The following SYNPR variants were observed in gnomAD, a reference collection of about 807,000 sequenced individuals.
SYNPR encodes synaptoporin.
Under a neutral mutation model 32.9 loss-of-function variants are expected in SYNPR, and 23 were observed. The ratio of observed to expected loss-of-function variants is 0.70; its 90% CI spans 0.50 to 0.99. The LOEUF (loss-of-function observed/expected upper bound fraction) is 0.99. SYNPR is among the 50% of genes least tolerant of loss of function. The probability of loss-of-function intolerance (pLI) is 0.00; values close to 1 mark genes in which losing one functional copy is unlikely to be tolerated. For missense variants in SYNPR, 318 were observed against 349.3 expected, an observed-to-expected ratio of 0.91 and a Z score of 0.71; for synonymous variants, 146 against 135.9, an observed-to-expected ratio of 1.07 and a Z score of -0.52.
chr3:63,271,473 T>G (rs1480386942), intron 3 of SYNPR, among the ~76,000 whole-genome samples: 1 of 152,174 alleles, frequency 6.6e-6, no homozygotes, highest in African/African-American at 2.4e-5. Context: ...AAAACTATTT[T>G]GTCATATTAA....
intron 2 of SYNPR, among the ~76,000 whole-genome samples, chr3:63,434,232 T>C (rs919016800): frequency 2.6e-5 from 4 of 152,212 alleles, no homozygotes; most frequent in African/African-American, 9.6e-5. Flanking sequence ...ACTCAATTTG[T>C]TGAAAAGGAA....
In SYNPR at chr3:63,375,048, C is replaced by T. The variant is rs560902710; in HGVS notation, c.84+96306C>T. ...TACCATCTCACACCAGTTAGAATAG[C>T]GATCATTAAAAAGTCAGGAAAAACA... On this transcript the variant is annotated intron_variant, in intron 2 of 5. Coordinates refer to ENST00000478300, the MANE Select transcript of SYNPR (RefSeq NM_001130003.2). 9.2e-5 allele frequency among the ~76,000 whole-genome samples: 14 copies of T among 152,136 alleles called. No homozygotes were observed. In the East Asian group the frequency reaches 1.5e-3, roughly 17 times the overall value.
intron 2 of SYNPR, among the ~76,000 whole-genome samples, chr3:63,280,196 T>C (rs2086615226): frequency 6.6e-6 from 1 of 152,216 alleles, no homozygotes; most frequent in Non-Finnish European, 1.5e-5. Context: ...TTAGTTCGTG[T>C]ACACACCAAT....
intron 2 of SYNPR, among the ~76,000 whole-genome samples, chr3:63,345,659 G>C (rs936349840): frequency 4.6e-5 from 7 of 152,150 alleles, no homozygotes; most frequent in Non-Finnish European, 1.0e-4. Context: ...ACCCCAACCA[G>C]AGCCAAGCCA....
intron 2 of SYNPR, among the ~76,000 whole-genome samples, chr3:63,432,891 C>T (rs1300970513): frequency 1.3e-5 from 2 of 152,194 alleles, no homozygotes; most frequent in African/African-American, 4.8e-5. Flanking sequence ...CTGTCAAGTT[C>T]CCTGTGGGAA....
intron 2 of SYNPR, among the ~76,000 whole-genome samples, chr3:63,432,574 C>T (rs1227941469): frequency 1.3e-5 from 2 of 152,168 alleles, no homozygotes; most frequent in Non-Finnish European, 2.9e-5. Context: ...TCAACATTGT[C>T]ATTGCTCTTA....
At chr3:63,397,911 T>C (rs1385506534) in intron 2 of SYNPR, among the ~76,000 whole-genome samples, 3 of 152,130 alleles carry the variant, frequency 2.0e-5, no homozygotes, top group African/African-American at 7.2e-5. Context: ...TTGAGACAAG[T>C]ATAGAAATAG....
chr3:63,544,136 CG>C (rs1285148319), intron 3 of SYNPR, among the ~76,000 whole-genome samples: 2 of 151,844 alleles, frequency 1.3e-5, no homozygotes, highest in Non-Finnish European at 2.9e-5. Context: ...GGTTGCTGTG[CG>C]GAAAATGAAT....
intron 2 of SYNPR, among the ~76,000 whole-genome samples, chr3:63,453,469 C>G (rs1199206591): frequency 6.6e-6 from 1 of 151,848 alleles, no homozygotes; most frequent in African/African-American, 2.4e-5. Flanking sequence ...GCAATAAATG[C>G]CAAAAATAGG....
chr3:63,259,161 C>T (rs903105280), intron 2 of SYNPR, among the ~76,000 whole-genome samples: 1 of 152,140 alleles, frequency 6.6e-6, no homozygotes, highest in African/African-American at 2.4e-5. Flanking sequence ...GAGCTGATAC[C>T]ATTCCTTCTG....
chr3:63,406,484 T>A (rs2088361828), intron 2 of SYNPR, among the ~76,000 whole-genome samples: 1 of 151,996 alleles, frequency 6.6e-6, no homozygotes, highest in African/African-American at 2.4e-5. Flanking sequence ...TTTTTTTTTT[T>A]TAAATTAAGA....
At chr3:63,404,601 CTT>C (rs1381377028) in intron 2 of SYNPR, among the ~76,000 whole-genome samples, 1 of 152,042 alleles carries the variant, frequency 6.6e-6, no homozygotes, top group African/African-American at 2.4e-5. Context: ...TAATTACATG[CTT>C]TTTATTCACT....
intron 2 of SYNPR, among the ~76,000 whole-genome samples, chr3:63,390,569 T>C (rs1194443875): frequency 6.6e-6 from 1 of 152,196 alleles, no homozygotes; most frequent in African/African-American, 2.4e-5. Context: ...CCGTTGTGCA[T>C]CTTATGGTCA....
At chr3:63,519,787 G>A (rs562390230) in intron 3 of SYNPR, among the ~76,000 whole-genome samples, 220 of 152,176 alleles carry the variant, frequency 1.4e-3, no homozygotes, top group Non-Finnish European at 1.7e-3. Flanking sequence ...TTTGTCCCCC[G>A]AAAAAGTATG....
chr3:63,201,290 G>T, the SYNPR span, among the ~76,000 whole-genome samples: 2 of 152,248 alleles, frequency 1.3e-5, no homozygotes, highest in African/African-American at 2.4e-5. Context: ...ACCAGCAAAG[G>T]CATCATATTT....
intron 3 of SYNPR, among the ~76,000 whole-genome samples, chr3:63,493,480 G>C (rs12487543): frequency 0.15 from 23,331 of 151,912 alleles, 1,902 homozygotes; most frequent in East Asian, 0.26. Context: ...TAGGTTGAAA[G>C]CTCCCCTACC....
chr3:63,262,484 C>T (rs2086447428), intron 2 of SYNPR, among the ~76,000 whole-genome samples: 1 of 152,098 alleles, frequency 6.6e-6, no homozygotes, highest in Non-Finnish European at 1.5e-5. Flanking sequence ...GCATTAACTC[C>T]CCTGCACTTC....
chr3:63,324,335 T>C (rs1360418447), intron 2 of SYNPR, among the ~76,000 whole-genome samples: 1 of 147,946 alleles, frequency 6.8e-6, no homozygotes, highest in Non-Finnish European at 1.5e-5. Context: ...GTATGGCTTC[T>C]CAAGACTGGG....
At chr3:63,309,870 C>A (rs986851179) in intron 2 of SYNPR, among the ~76,000 whole-genome samples, 1 of 151,940 alleles carries the variant, frequency 6.6e-6, no homozygotes, top group South Asian at 2.1e-4. Flanking sequence ...TTCTAGTTTC[C>A]CAGACATGCA....
Sources: gnomAD v4.1 joint callset for allele counts (sites outside exome capture counted in the v4.1 genomes callset) on GRCh38, gnomAD v4.1.1 for gene constraint, MANE v1.5 for transcripts, NCBI Gene and HGNC (gene_info 2026-07-23, HGNC 2026-07-21) for gene names.